Variants in ST18 observed in about 807,000 individuals in gnomAD.
ST18 encodes the protein suppression of tumorigenicity 18 protein.
ST18 carries 50 observed loss-of-function variants against 110.0 expected under a neutral mutation model. The ratio of observed to expected loss-of-function variants is 0.45; its 90% CI spans 0.36 to 0.58. ST18 has a LOEUF of 0.58. Among genes scored for constraint, ST18 ranks in the 20% least tolerant of loss-of-function variants. The pLI is 0.00. For missense variants in ST18, 1,306 were observed against 1,280.1 expected (o/e 1.02, Z -0.31); for synonymous variants, 461 against 452.4 (o/e 1.02, Z -0.24).
At chr8:52,335,458 A>C (rs895044732) in intron 2 of ST18, among the ~76,000 whole-genome samples, 2 of 152,188 alleles carry the variant, frequency 1.3e-5, no homozygotes, top group Non-Finnish European at 2.9e-5. Context: ...CAGATACTTT[A>C]GTATTTTGGA....
intron 3 of ST18, among the ~76,000 whole-genome samples, chr8:52,223,686 T>C (rs1274510966): frequency 6.7e-6 from 1 of 150,090 alleles, no homozygotes; most frequent in Non-Finnish European, 1.5e-5. Context: ...AAGGATGTGA[T>C]TTTTTTTTTA....
At position 52,113,174 on chromosome 8, in the gene ST18, C is replaced by G; in HGVS notation, c.*24G>C. 1 of 1,612,502 alleles carries G rather than the reference C, an allele frequency of 6.2e-7. No homozygotes were observed. The highest frequency in any genetic ancestry group is 8.5e-7 in the Non-Finnish European group (1 of 1,179,338). ...TGGAGTTTACTGCTGTTGGTAACTT[C>G]TGTTGCCCGGCAGCGCTGTGATCCT... is the stretch of plus-strand genomic sequence containing the variant. On this transcript the variant is annotated 3_prime_UTR_variant, in exon 26 of 26. Coordinates refer to ENST00000689386, the MANE Select transcript of ST18 (RefSeq NM_001352837.2).
intron 1 of ST18, 33 bp from the exon 2 acceptor site, chr8:52,409,485 A>G (rs1454672395): frequency 3.3e-5 from 5 of 152,144 alleles, no homozygotes; most frequent in African/African-American, 4.8e-5. Context: ...TGTGAAAATT[A>G]TCATAAGAAA....
intron 2 of ST18, among the ~76,000 whole-genome samples, chr8:52,330,982 G>A (rs1177635091): frequency 6.6e-6 from 1 of 152,168 alleles, no homozygotes; most frequent in South Asian, 2.1e-4. Context: ...ACAGGGGAAG[G>A]GGCAGGCAGA....
In ST18 at chr8:52,114,576, G is replaced by A. The variant is rs938480919; in HGVS notation, c.3004-1238C>T. On this transcript the variant is annotated intron_variant, in intron 25 of 25. Coordinates refer to ENST00000689386, the MANE Select transcript of ST18 (RefSeq NM_001352837.2). ...TTTGTTGTGCTCTGCTCGGCAAAGC[G>A]CTGATCTAAATTATTAGTATTGTCC... Among the ~76,000 whole-genome samples the A allele has an allele frequency of 2.0e-5, 3 of 152,160 alleles. No individual in the cohort carries two copies. The East Asian group carries it at 5.8e-4, about 29-fold the overall frequency.
chr8:52,318,870 G>A (rs1023801328), intron 2 of ST18, among the ~76,000 whole-genome samples: 35 of 150,974 alleles, frequency 2.3e-4, no homozygotes, highest in Admixed American at 9.9e-4. Flanking sequence ...GCTAAATTAT[G>A]AGAACACATG....
chr8:52,380,193 G>A (rs974328844), intron 2 of ST18, among the ~76,000 whole-genome samples: 4 of 151,950 alleles, frequency 2.6e-5, no homozygotes, highest in Admixed American at 6.6e-5. Flanking sequence ...TGCAATTGCC[G>A]GCCATTTCAG....
chr8:52,236,884 T>C (rs1389411359), intron 2 of ST18, among the ~76,000 whole-genome samples: 1 of 152,128 alleles, frequency 6.6e-6, no homozygotes, highest in Non-Finnish European at 1.5e-5. Context: ...ATAAATGACC[T>C]GGGAAATACT....
chr8:52,352,044 C>A (rs1820606251), intron 2 of ST18, among the ~76,000 whole-genome samples: 1 of 152,128 alleles, frequency 6.6e-6, no homozygotes, highest in African/African-American at 2.4e-5. Context: ...AAACCCAAAC[C>A]TGCAGAGCAC....
intron 2 of ST18, among the ~76,000 whole-genome samples, chr8:52,369,663 A>C (rs1033419029): frequency 6.6e-6 from 1 of 152,224 alleles, no homozygotes; most frequent in Non-Finnish European, 1.5e-5. Context: ...TCCCTGATTC[A>C]ACATTTAAAA....
intron 8 of ST18, among the ~76,000 whole-genome samples, chr8:52,200,163 C>T (rs2077477508): frequency 6.8e-6 from 1 of 148,038 alleles, no homozygotes; most frequent in Non-Finnish European, 1.5e-5. Context: ...GAGATTCCTG[C>T]TCCACAAAAC....
intron 8 of ST18, among the ~76,000 whole-genome samples, chr8:52,211,142 G>A (rs533674678): frequency 1.7e-4 from 26 of 152,162 alleles, no homozygotes; most frequent in African/African-American, 6.3e-4. Flanking sequence ...GTCTGCATGT[G>A]TTTCTTCTTT....
At chr8:52,240,627 A>G (rs1277322870) in intron 2 of ST18, among the ~76,000 whole-genome samples, 3 of 152,114 alleles carry the variant, frequency 2.0e-5, no homozygotes, top group Non-Finnish European at 4.4e-5. Context: ...CTTTCTCCTC[A>G]GCATAGAAAC....
intron 12 of ST18, 68 bp from the exon 13 acceptor site, chr8:52,164,158 C>CAAG: frequency 7.7e-7 from 1 of 1,299,004 alleles, no homozygotes; most frequent in Non-Finnish European, 1.1e-6. Flanking sequence ...TGGCATGTGC[C>CAAG]TCACAGCACA....
At chr8:52,381,171 G>A (rs778797058) in intron 2 of ST18, among the ~76,000 whole-genome samples, 25 of 152,142 alleles carry the variant, frequency 1.6e-4, no homozygotes, top group Non-Finnish European at 2.8e-4. Context: ...CTGTAGGGTG[G>A]AAAAGGAGAG....
chr8:52,358,094 T>C (rs1824009510), intron 2 of ST18, among the ~76,000 whole-genome samples: 1 of 151,948 alleles, frequency 6.6e-6, no homozygotes, highest in African/African-American at 2.4e-5. Context: ...CAATACACTT[T>C]TTAACCAATC....
intron 2 of ST18, among the ~76,000 whole-genome samples, chr8:52,408,733 T>C (rs1379483217): frequency 6.6e-6 from 1 of 152,202 alleles, no homozygotes; most frequent in African/African-American, 2.4e-5. Flanking sequence ...CTAGAGATTT[T>C]AAAAAATCTT....
At chr8:52,271,433 A>C (rs2095072786) in intron 2 of ST18, among the ~76,000 whole-genome samples, 1 of 152,128 alleles carries the variant, frequency 6.6e-6, no homozygotes, top group South Asian at 2.1e-4. Flanking sequence ...TTTAACATCT[A>C]GGGGCTTACC....
chr8:52,237,978 G>A (rs573528042), intron 2 of ST18, among the ~76,000 whole-genome samples: 5 of 152,288 alleles, frequency 3.3e-5, no homozygotes, highest in African/African-American at 1.2e-4. Flanking sequence ...AACATCATTA[G>A]TCATTAGGGA....
Sources: gnomAD v4.1 joint callset for allele counts (sites outside exome capture counted in the v4.1 genomes callset) on GRCh38, gnomAD v4.1.1 for gene constraint, MANE v1.5 for transcripts, NCBI Gene and HGNC (gene_info 2026-07-23, HGNC 2026-07-21) for gene names.